Variants in ALX1 observed in about 807,000 individuals in gnomAD.
ALX1 encodes the protein ALX homeobox protein 1.
A neutral mutation model predicts 31.7 loss-of-function variants in ALX1; 19 were observed. The ratio of observed to expected loss-of-function variants is 0.60; its 90% CI spans 0.42 to 0.88. The LOEUF (loss-of-function observed/expected upper bound fraction) is 0.88, where lower values mean the gene tolerates loss of function less well. Among genes scored for constraint, ALX1 ranks in the 40% least tolerant of loss-of-function variants. The probability of loss-of-function intolerance (pLI) is 0.00; values close to 1 mark genes in which losing one functional copy is unlikely to be tolerated. For missense variants in ALX1, 415 were observed against 407.8 expected, an observed-to-expected ratio of 1.02 and a Z score of -0.15; for synonymous variants, 153 against 148.8, an observed-to-expected ratio of 1.03 and a Z score of -0.20.
intron 2 of ALX1, 64 bp downstream of exon 2, chr12:85,283,940 A>G (rs1896714819): frequency 6.4e-7 from 1 of 1,559,392 alleles, no homozygotes; most frequent in Non-Finnish European, 8.8e-7. Context: ...GAATAATTGA[A>G]TAAGTGCATT....
In ALX1 at chr12:85,299,924, G is replaced by A. The variant is rs544700507; in HGVS notation, c.661-1231G>A. 8.3e-3 allele frequency among the ~76,000 whole-genome samples: 1,262 copies of A among 151,990 alleles called. 9 individuals carry two copies. The highest frequency in any genetic ancestry group is 0.029 in the African/African-American group (1,208 of 41,484). On this transcript the variant is annotated intron_variant, in intron 3 of 3. Transcript: ENST00000316824. ...CTACTCTTACATCATGATTTTAAAA[G>A]ATAAGGAAACCTGATGTGATTAACA...
At chr12:85,287,342 G>T (rs1896761395) in intron 3 of ALX1, among the ~76,000 whole-genome samples, 2 of 151,496 alleles carry the variant, frequency 1.3e-5, no homozygotes, top group Admixed American at 1.3e-4. Context: ...ATAGAGTGTT[G>T]CTTAGCATGC....
chr12:85,296,291 A>T (rs531561469), intron 3 of ALX1, among the ~76,000 whole-genome samples: 1 of 150,032 alleles, frequency 6.7e-6, no homozygotes, highest in Non-Finnish European at 1.5e-5. Flanking sequence ...ACAGTAAAAA[A>T]CTCTTAGTAT....
At chr12:85,300,261 C>T (rs185057801) in intron 3 of ALX1, among the ~76,000 whole-genome samples, 160 of 151,954 alleles carry the variant, frequency 1.1e-3, no homozygotes, top group African/African-American at 3.8e-3. Context: ...TAAATTTGTA[C>T]TTGTTAATAT....
At chr12:85,292,382 A>T (rs1403336431) in intron 3 of ALX1, among the ~76,000 whole-genome samples, 1 of 151,132 alleles carries the variant, frequency 6.6e-6, no homozygotes. Context: ...TGCTTTTCCC[A>T]CCAAAATTTT....
intron 3 of ALX1, among the ~76,000 whole-genome samples, chr12:85,297,664 C>T (rs1262323761): frequency 1.3e-5 from 2 of 151,284 alleles, no homozygotes. Flanking sequence ...AGTAGTGTTT[C>T]CTAATTTCAA....
intron 3 of ALX1, among the ~76,000 whole-genome samples, chr12:85,295,968 ATAT>A (rs1896882804): frequency 6.6e-6 from 1 of 151,650 alleles, no homozygotes; most frequent in African/African-American, 2.4e-5. Flanking sequence ...AATAGCACTA[ATAT>A]TAGGATATTG....
chr12:85,295,450 C>T (rs191325232), intron 3 of ALX1, among the ~76,000 whole-genome samples: 11 of 151,480 alleles, frequency 7.3e-5, no homozygotes, highest in African/African-American at 2.7e-4. Context: ...AGAACATGTA[C>T]AAATCTAGTA....
intron 2 of ALX1, among the ~76,000 whole-genome samples, chr12:85,286,375 A>G (rs1396795383): frequency 6.6e-6 from 1 of 151,944 alleles, no homozygotes; most frequent in Non-Finnish European, 1.5e-5. Context: ...AGCACAACTG[A>G]GAAGAGCTTT....
Position 85,301,175 on chromosome 12 carries a change from A to G in ALX1, c.681A>G (p.Ala227=). ...SYPQIQNNLW[A]GNASGGSVVT... ...TCCAGATTCAGAACAATTTGTGGGC[A>G]GGAAATGCAAGTGGTGGTTCTGTGG... Residue 227 remains alanine, a synonymous_variant, in exon 4 of 4, where the codon GCA becomes GCG. Coordinates refer to ENST00000316824, the MANE Select transcript of ALX1 (RefSeq NM_006982.3). The G allele has an allele frequency of 6.2e-7, 1 of 1,614,030 alleles. No individual in the cohort carries two copies. Among genetic ancestry groups the G allele is most frequent in the Non-Finnish European group, 8.5e-7 (1 of 1,179,914 alleles).
intron 2 of ALX1, among the ~76,000 whole-genome samples, chr12:85,285,195 C>T (rs1314159937): frequency 6.6e-6 from 1 of 152,022 alleles, no homozygotes; most frequent in Admixed American, 6.6e-5. Context: ...CATAATGCAT[C>T]TTTTCCCCTT....
chr12:85,284,131 C>A (rs1896717410), intron 2 of ALX1, among the ~76,000 whole-genome samples: 1 of 150,068 alleles, frequency 6.7e-6, no homozygotes, highest in African/African-American at 2.4e-5. Context: ...TCAAACATAA[C>A]AATATGATAA....
chr12:85,290,879 G>A (rs1444772741), intron 3 of ALX1, among the ~76,000 whole-genome samples: 1 of 150,774 alleles, frequency 6.6e-6, no homozygotes, highest in Admixed American at 6.6e-5. Flanking sequence ...ATTTTGTTGG[G>A]TTGTATTAAA....
At chr12:85,281,008 TC>T (rs1896664965) in intron 1 of ALX1, among the ~76,000 whole-genome samples, 1 of 152,158 alleles carries the variant, frequency 6.6e-6, no homozygotes, top group Non-Finnish European at 1.5e-5. Context: ...TTTTTAATTT[TC>T]CAAGACGTGG....
At position 85,284,003 on chromosome 12, in the gene ALX1, T is replaced by G. The variant is rs1295476588; in HGVS notation, c.531+127T>G. ...TAGCTGAAGATGAGAAACGGAGTAA[T>G]ATATATGAATATATGTCTACTAAAA... On this transcript the variant is annotated intron_variant, in intron 2 of 3. Coordinates refer to ENST00000316824, the MANE Select transcript of ALX1 (RefSeq NM_006982.3). 3.9e-6 allele frequency: 4 copies of G among 1,014,778 alleles called. No individual in the cohort carries two copies. The East Asian group carries it at 1.0e-4, about 26-fold the overall frequency. 62.9% of individuals were successfully genotyped at this position (1,014,778 alleles called of 1,614,324 possible). A position where few individuals can be genotyped will look rare whatever the true frequency, so the allele number is the denominator to read the frequency against.
intron 3 of ALX1, among the ~76,000 whole-genome samples, chr12:85,291,450 T>C (rs1178848364): frequency 6.6e-6 from 1 of 151,174 alleles, no homozygotes; most frequent in Non-Finnish European, 1.5e-5. Context: ...TATTACATTT[T>C]AACTTGTTTC....
chr12:85,288,112 G>T (rs549686806), intron 3 of ALX1, among the ~76,000 whole-genome samples: 1 of 151,544 alleles, frequency 6.6e-6, no homozygotes, highest in African/African-American at 2.4e-5. Flanking sequence ...TTAAATAAAA[G>T]AAGTCTTGGA....
intron 3 of ALX1, among the ~76,000 whole-genome samples, chr12:85,296,748 A>G (rs2137391875): frequency 6.6e-6 from 1 of 151,818 alleles, no homozygotes; most frequent in East Asian, 1.9e-4. Context: ...TTTAAAAAAC[A>G]CACATACAAG....
intron 3 of ALX1, among the ~76,000 whole-genome samples, chr12:85,299,971 A>T (rs1896942457): frequency 6.6e-6 from 1 of 151,972 alleles, no homozygotes; most frequent in Non-Finnish European, 1.5e-5. Context: ...GCTATGTTCT[A>T]GTCCAAATGT....
Sources: gnomAD v4.1 joint callset for allele counts (sites outside exome capture counted in the v4.1 genomes callset) on GRCh38, gnomAD v4.1.1 for gene constraint, MANE v1.5 for transcripts, NCBI Gene and HGNC (gene_info 2026-07-23, HGNC 2026-07-21) for gene names.